Variants in RPRD2 observed in about 807,000 individuals in gnomAD.
The protein encoded by RPRD2 is regulation of nuclear pre-mRNA domain containing 2.
Under a neutral mutation model 104.4 loss-of-function variants are expected in RPRD2, and 12 were observed. The ratio of observed to expected loss-of-function variants is 0.11; its 90% CI spans 0.07 to 0.19. The LOEUF (loss-of-function observed/expected upper bound fraction) is 0.19, where lower values mean the gene tolerates loss of function less well. Ranked by LOEUF, RPRD2 falls within the 10% of genes least tolerant of loss-of-function variation. RPRD2 has a pLI of 1.00. For synonymous variants in RPRD2, 714 were observed against 684.9 expected (o/e 1.04, Z -0.66); for missense variants, 1,543 against 1,790.1 (o/e 0.86, Z 2.49).
intron 2 of RPRD2, among the ~76,000 whole-genome samples, chr1:150,432,643 CAA>C (rs34795861): frequency 9.4e-5 from 12 of 127,140 alleles, no homozygotes; most frequent in African/African-American, 2.2e-4. Context: ...AAAAAAAAGC[CAA>C]AAAAAAAAAA....
At chr1:150,369,606 G>A (rs1256755555) in intron 1 of RPRD2, among the ~76,000 whole-genome samples, 13 of 134,810 alleles carry the variant, frequency 9.6e-5, no homozygotes, top group Non-Finnish European at 1.8e-4. Context: ...ACAGGCGCCC[G>A]TCACCGCGCC....
Position 150,364,903 on chromosome 1 carries a change from G to A in RPRD2, c.189G>A (p.Met63Ile). Residue 63 changes from methionine (M) to isoleucine (I), a missense_variant, in exon 1 of 11, where the codon ATG (methionine) becomes ATA (isoleucine). Met to Ile is a conservative substitution (Grantham distance 10). This residue lies in a region of RPRD2 where 88 missense variants were observed against 96.6 expected (regional missense o/e 0.91). Transcript: ENST00000369068. ...ACAGTACTATCGTCTATCATTGGAT[G>A]AAGTGGCTCCGGAGATGTGAGTGTT... is the stretch of plus-strand genomic sequence containing the variant. ...KHHSTIVYHWMKWLRRSAYPH... is the reference protein window; with the variant it reads ...KHHSTIVYHWIKWLRRSAYPH... The A allele has an allele frequency of 6.2e-7, 1 of 1,614,032 alleles. No homozygotes were observed. The highest frequency in any genetic ancestry group is 8.5e-7 in the Non-Finnish European group (1 of 1,179,880).
At chr1:150,369,192 A>G (rs1156849267) in intron 1 of RPRD2, among the ~76,000 whole-genome samples, 1 of 152,212 alleles carries the variant, frequency 6.6e-6, no homozygotes, top group Non-Finnish European at 1.5e-5. Context: ...TTAGTGAAAG[A>G]AATTACAGGT....
chr1:150,406,940 C>T (rs1296214365), intron 1 of RPRD2, among the ~76,000 whole-genome samples: 2 of 152,174 alleles, frequency 1.3e-5, no homozygotes, highest in East Asian at 1.9e-4. Context: ...GTCTCGAACT[C>T]CTGACCTCAG....
chr1:150,367,908 A>T (rs910117433), intron 1 of RPRD2, among the ~76,000 whole-genome samples: 2 of 151,974 alleles, frequency 1.3e-5, no homozygotes, highest in African/African-American at 4.8e-5. Context: ...TTTTTAGTAG[A>T]GACAGGGTTT....
Position 150,457,394 on chromosome 1 carries a change from T to C in RPRD2, c.977T>C (p.Met326Thr). The C allele has an allele frequency of 6.2e-7, 1 of 1,613,798 alleles. No individual in the cohort carries two copies. The highest frequency in any genetic ancestry group is 8.5e-7 in the Non-Finnish European group (1 of 1,179,798). ...GAATCACCAGTTCCTTCCCCAAGCA[T>C]GGACGCTCCCTCCCCGACTGGTTCT... is the stretch of plus-strand genomic sequence containing the variant. ...PEESPVPSPS[M>T]DAPSPTGSES... Residue 326 changes from methionine to threonine, a missense_variant, in exon 8 of 11, where the codon ATG (methionine) becomes ACG (threonine). Met to Thr is a moderately conservative substitution (Grantham distance 81). Around this residue, in one of 4 missense-constraint regions of RPRD2, gnomAD observed 572 missense variants for 787.3 expected, o/e 0.73. Coordinates refer to ENST00000369068, the MANE Select transcript of RPRD2 (RefSeq NM_015203.5).
At chr1:150,463,719 A>G (rs1048476509) in intron 9 of RPRD2, among the ~76,000 whole-genome samples, 4 of 152,242 alleles carry the variant, frequency 2.6e-5, no homozygotes, top group East Asian at 3.8e-4. Flanking sequence ...TCAAAAGCAT[A>G]TAACTTACCA....
chr1:150,438,238 G>A (rs756795781), intron 2 of RPRD2, among the ~76,000 whole-genome samples: 9 of 152,088 alleles, frequency 5.9e-5, no homozygotes, highest in South Asian at 2.1e-4. Flanking sequence ...TGCAGTGAGC[G>A]GAGGTGGTGC....
intron 1 of RPRD2, among the ~76,000 whole-genome samples, chr1:150,416,540 A>G (rs1361609500): frequency 6.6e-6 from 1 of 152,104 alleles, no homozygotes; most frequent in Admixed American, 6.6e-5. Flanking sequence ...AGGGTTCCAG[A>G]TAGTACATTG....
chr1:150,412,189 G>C (rs834229), intron 1 of RPRD2, among the ~76,000 whole-genome samples: 45,280 of 152,072 alleles, frequency 0.3, 8,202 homozygotes, highest in Non-Finnish European at 0.4. Flanking sequence ...ATCCAGTGAG[G>C]ATACAGACAA....
intron 1 of RPRD2, among the ~76,000 whole-genome samples, chr1:150,391,592 A>T (rs1553883135): frequency 1.3e-5 from 2 of 152,234 alleles, no homozygotes; most frequent in Non-Finnish European, 2.9e-5. Context: ...CCTGTATGAG[A>T]TATTTAATTA....
rs1421414728 is a variant in RPRD2, at chr1:150,472,921, C to T, written c.3973C>T (p.Pro1325Ser). The T allele has an allele frequency of 6.2e-7, 1 of 1,612,570 alleles. No individual in the cohort carries two copies. Among genetic ancestry groups the T allele is most frequent in the African/African-American group, 1.3e-5 (1 of 74,924 alleles). ...HGVAGAVAVF[P>S]KDHSSLLQGT... is the part of the protein sequence containing the mutation. ...AGTGGCAGGGGCTGTGGCAGTATTT[C>T]CCAAGGACCATAGTTCCCTCCTTCA... The change falls in exon 11 of 11, where the codon CCC becomes TCC. Residue 1325 changes from proline to serine, a missense_variant. Physicochemically the swap from Pro to Ser is moderately conservative, Grantham distance 74 (BLOSUM62 -1). This residue lies in a region of RPRD2 where 880 missense variants were observed against 885.6 expected (regional missense o/e 0.99). Transcript: ENST00000369068.
intron 1 of RPRD2, among the ~76,000 whole-genome samples, chr1:150,381,686 A>G (rs1407431647): frequency 2.0e-5 from 3 of 151,894 alleles, no homozygotes; most frequent in Non-Finnish European, 4.4e-5. Context: ...TTGTATTTTT[A>G]GTAGAGACGG....
In RPRD2 at chr1:150,460,337, A is replaced by G. The variant is rs782742556; in HGVS notation, c.1411+20A>G. ...ATACTGGTAAGTAAGCCCAGTAAGG[A>G]GGATAAAAAGTTAATTTCCATCTTT... On this transcript the variant is annotated intron_variant, in intron 9 of 10. Transcript: ENST00000369068. The G allele has an allele frequency of 1.9e-6, 3 of 1,587,750 alleles. No homozygotes were observed.
intron 9 of RPRD2, among the ~76,000 whole-genome samples, chr1:150,463,923 A>G (rs1376243190): frequency 6.6e-6 from 1 of 152,216 alleles, no homozygotes; most frequent in Non-Finnish European, 1.5e-5. Flanking sequence ...TGGGAGGATC[A>G]CTGGAGGTCA....
intron 1 of RPRD2, among the ~76,000 whole-genome samples, chr1:150,368,677 T>A (rs2102071147): frequency 6.6e-6 from 1 of 152,258 alleles, no homozygotes; most frequent in Middle Eastern, 3.4e-3. Context: ...TTGGCCAGGC[T>A]GGTCTTGAAC....
rs764236009 is a variant in RPRD2, at chr1:150,473,212, C to G, written c.4264C>G (p.Arg1422Gly). ...CTTACGGAGTCCCCGGCCAGACTTT[C>G]GGCCTAGGGAACCTTTTCTCAGCAG... ...IILRSPRPDF[R>G]PREPFLSRDP... Residue 1422 changes from arginine to glycine, a missense_variant, in exon 11 of 11, where the codon CGG (arginine) becomes GGG (glycine). By Grantham distance (125) the Arg-to-Gly change is moderately radical (BLOSUM62 -2). This residue lies in a region of RPRD2 where 880 missense variants were observed against 885.6 expected (regional missense o/e 0.99). Transcript: ENST00000369068. 1.2e-6 allele frequency: 2 copies of G among 1,613,980 alleles called. No homozygotes were observed. Among genetic ancestry groups the G allele is most frequent in the African/African-American group, 1.3e-5 (1 of 75,040 alleles).
At chr1:150,371,981 G>A (rs587663112) in intron 1 of RPRD2, among the ~76,000 whole-genome samples, 71 of 151,660 alleles carry the variant, frequency 4.7e-4, no homozygotes, top group African/African-American at 1.6e-3. Context: ...ATTTATTTAT[G>A]TTTTTGATTA....
intron 1 of RPRD2, among the ~76,000 whole-genome samples, chr1:150,413,033 T>C (rs74349664): frequency 0.025 from 3,809 of 151,222 alleles, 156 homozygotes; most frequent in African/African-American, 0.087. Flanking sequence ...GGCAACAATA[T>C]AGGGAGGAAA....
Sources: gnomAD v4.1 joint callset for allele counts (sites outside exome capture counted in the v4.1 genomes callset) on GRCh38, gnomAD v4.1.1 for gene constraint, gnomAD v4.1.1 regional missense constraint, MANE v1.5 for transcripts, NCBI Gene and HGNC (gene_info 2026-07-23, HGNC 2026-07-21) for gene names.